Variants in NBEA observed in about 807,000 individuals in gnomAD.
NBEA encodes the protein neurobeachin, also known as lysosomal-trafficking regulator 2.
In NBEA, 44 loss-of-function variants were observed where a neutral mutation model predicts 343.4. The observed-to-expected ratio is 0.13, with a 90% CI of 0.10 to 0.16. The LOEUF (loss-of-function observed/expected upper bound fraction) is 0.16. NBEA is among the 10% of genes least tolerant of loss of function. NBEA has a pLI of 1.00. For missense variants in NBEA, 2,555 were observed against 3,631.3 expected, an observed-to-expected ratio of 0.70 and a Z score of 7.62; for synonymous variants, 1,175 against 1,238.7, an observed-to-expected ratio of 0.95 and a Z score of 1.08.
At chr13:35,070,150 A>G (rs1272389944) in intron 9 of NBEA, 45 bp downstream of exon 9, 2 of 1,415,752 alleles carry the variant, frequency 1.4e-6, no homozygotes, top group Non-Finnish European at 9.4e-7. Context: ...TCAGAATTTG[A>G]CAGTATCTTT....
rs557093581 is a variant in NBEA at position 35,573,832 on chromosome 13, C to T, written c.7035+6815C>T. On this transcript the variant is annotated intron_variant, in intron 45 of 58. Transcript: ENST00000379939. ...TTATGCACTTTAATTTCACCAGCCA[C>T]ATGTCACCTCTGTGTCTAAACCACA... Among the ~76,000 whole-genome samples the T allele has an allele frequency of 2.0e-5, 3 of 152,330 alleles. No homozygotes were observed. In the South Asian group the frequency reaches 6.2e-4, roughly 32 times the overall value.
chr13:35,004,470 G>C (rs117696232), intron 1 of NBEA, among the ~76,000 whole-genome samples: 1 of 151,960 alleles, frequency 6.6e-6, no homozygotes, highest in South Asian at 2.1e-4. Context: ...AGTTAAAGGG[G>C]GAAAAAAGCA....
intron 34 of NBEA, among the ~76,000 whole-genome samples, chr13:35,253,019 C>T (rs186810352): frequency 9.2e-5 from 14 of 152,204 alleles, no homozygotes; most frequent in East Asian, 3.9e-4. Context: ...ACATGCCTGC[C>T]GAGGAAGTAT....
chr13:35,286,721 A>C (rs1383131012), intron 34 of NBEA, among the ~76,000 whole-genome samples: 2 of 152,076 alleles, frequency 1.3e-5, no homozygotes, highest in Non-Finnish European at 2.9e-5. Flanking sequence ...TTCTAACTTT[A>C]TACTCATTTT....
intron 1 of NBEA, among the ~76,000 whole-genome samples, chr13:35,001,217 T>G (rs2061126755): frequency 6.6e-6 from 1 of 152,156 alleles, no homozygotes. Flanking sequence ...TATACATGGT[T>G]GGTAGGAATG....
At chr13:35,315,942 A>C (rs1425549694) in intron 36 of NBEA, among the ~76,000 whole-genome samples, 1 of 152,070 alleles carries the variant, frequency 6.6e-6, no homozygotes, top group African/African-American at 2.4e-5. Flanking sequence ...ACCAAAAAAA[A>C]CTTCCAAATC....
At chr13:34,952,331 G>A (rs961804455) in intron 1 of NBEA, among the ~76,000 whole-genome samples, 2 of 152,116 alleles carry the variant, frequency 1.3e-5, no homozygotes, top group African/African-American at 4.8e-5. Context: ...AATGAATGCA[G>A]GTCAATTGAA....
At chr13:34,962,844 G>A (rs1328336295) in intron 1 of NBEA, among the ~76,000 whole-genome samples, 1 of 152,066 alleles carries the variant, frequency 6.6e-6, no homozygotes, top group Non-Finnish European at 1.5e-5. Context: ...ATCAGAACAA[G>A]TCTCTCTTCC....
At chr13:35,240,268 G>C (rs1185115556) in intron 34 of NBEA, among the ~76,000 whole-genome samples, 2 of 151,782 alleles carry the variant, frequency 1.3e-5, no homozygotes, top group Non-Finnish European at 3.0e-5. Context: ...GTATTATGAA[G>C]TTATTGAGGG....
chr13:35,463,569 G>A (rs1594722762), intron 40 of NBEA, among the ~76,000 whole-genome samples: 1 of 152,070 alleles, frequency 6.6e-6, no homozygotes, highest in East Asian at 1.9e-4. Flanking sequence ...AGGTTACTGT[G>A]TGATGGCGCC....
At chr13:35,068,035 C>T (rs2063720056) in intron 8 of NBEA, among the ~76,000 whole-genome samples, 1 of 151,924 alleles carries the variant, frequency 6.6e-6, no homozygotes, top group East Asian at 1.9e-4. Context: ...TAGTACATGT[C>T]CGCCTTTATA....
At chr13:35,483,971 T>G (rs1181688568) in intron 41 of NBEA, among the ~76,000 whole-genome samples, 1 of 152,050 alleles carries the variant, frequency 6.6e-6, no homozygotes, top group Non-Finnish European at 1.5e-5. Context: ...CCACTAAATA[T>G]TGGAATCTTG....
chr13:35,270,378 G>A (rs548187997), intron 34 of NBEA, among the ~76,000 whole-genome samples: 11 of 152,286 alleles, frequency 7.2e-5, no homozygotes, highest in Admixed American at 2.6e-4. Flanking sequence ...TGGCTGAGTG[G>A]GAAAAGCTTT....
At chr13:35,666,050 A>G (rs2085338283) in intron 56 of NBEA, among the ~76,000 whole-genome samples, 1 of 152,162 alleles carries the variant, frequency 6.6e-6, no homozygotes, top group East Asian at 1.9e-4. Flanking sequence ...TGATGCTTGG[A>G]GAAACTGAAA....
In NBEA at chr13:35,118,440, A is replaced by C. The variant is rs764502239; in HGVS notation, c.2209A>C (p.Met737Leu). ...TTTAATGTCGGAACACCCAGCCTCA[A>C]TGATACCAGCATTTGATCAAAGAAA... Reference protein sequence around the residue: ...VALMSEHPASMIPAFDQRNGI... With the variant: ...VALMSEHPASLIPAFDQRNGI... The change falls in exon 16 of 59, where the codon ATG becomes CTG. Residue 737 changes from methionine to leucine, a missense_variant. Physicochemically the swap from Met to Leu is conservative, Grantham distance 15 (BLOSUM62 2). Coordinates refer to ENST00000379939, the MANE Select transcript of NBEA (RefSeq NM_001385012.1). The C allele has an allele frequency of 3.9e-5, 62 of 1,605,558 alleles. No homozygotes were observed. The Middle Eastern group carries it at 1.6e-3, about 40-fold the overall frequency.
At chr13:35,614,632 G>A (rs1269711767) in intron 48 of NBEA, among the ~76,000 whole-genome samples, 13 of 152,192 alleles carry the variant, frequency 8.5e-5, no homozygotes, top group Admixed American at 8.5e-4. Flanking sequence ...GGCCACTGCT[G>A]ATTTGGAAGT....
At chr13:35,466,206 G>A (rs191483511) in intron 40 of NBEA, among the ~76,000 whole-genome samples, 1 of 152,176 alleles carries the variant, frequency 6.6e-6, no homozygotes, top group East Asian at 1.9e-4. Context: ...TATGATCTGT[G>A]GGGATAATTA....
At chr13:35,432,460 T>C in intron 39 of NBEA, 67 bp downstream of exon 39, 1 of 1,406,578 alleles carries the variant, frequency 7.1e-7, no homozygotes, top group Non-Finnish European at 9.4e-7. Flanking sequence ...GTTTGAGAAT[T>C]CCTTCTTTTT....
chr13:35,273,932 A>T (rs1238316174), intron 34 of NBEA, among the ~76,000 whole-genome samples: 1 of 152,212 alleles, frequency 6.6e-6, no homozygotes, highest in African/African-American at 2.4e-5. Context: ...ATTCTACCAG[A>T]TATACAAAGA....
Sources: gnomAD v4.1 joint callset for allele counts (sites outside exome capture counted in the v4.1 genomes callset) on GRCh38, gnomAD v4.1.1 for gene constraint, MANE v1.5 for transcripts, NCBI Gene and HGNC (gene_info 2026-07-23, HGNC 2026-07-21) for gene names.